Variants in IDO2 observed in about 807,000 individuals in gnomAD.
IDO2 encodes the protein indoleamine 2,3-dioxygenase 2.
IDO2 carries 46 observed loss-of-function variants against 45.1 expected under a neutral mutation model. That is an observed-to-expected ratio of 1.02 (90% confidence interval 0.80 to 1.30). The LOEUF (loss-of-function observed/expected upper bound fraction) is 1.30. IDO2 is among the 50% of genes most tolerant of loss of function. IDO2 has a pLI of 0.00. For missense variants in IDO2, 544 were observed against 491.8 expected, an observed-to-expected ratio of 1.11 and a Z score of -1.00; for synonymous variants, 218 against 184.9, an observed-to-expected ratio of 1.18 and a Z score of -1.45.
At chr8:39,979,924 C>T (rs1258721765) in intron 4 of IDO2, among the ~76,000 whole-genome samples, 1 of 152,158 alleles carries the variant, frequency 6.6e-6, no homozygotes, top group African/African-American at 2.4e-5. Flanking sequence ...CAGGCTCAAG[C>T]AACCCTCCCA....
chr8:39,992,301 T>C (rs1801950414), intron 8 of IDO2, among the ~76,000 whole-genome samples: 1 of 152,196 alleles, frequency 6.6e-6, no homozygotes, highest in South Asian at 2.1e-4. Context: ...TACCCTGAGA[T>C]CACTCTGCTG....
chr8:39,962,019 C>T (rs1170697709), intron 2 of IDO2, among the ~76,000 whole-genome samples: 2 of 152,198 alleles, frequency 1.3e-5, no homozygotes, highest in East Asian at 1.9e-4. Flanking sequence ...TACCAACTCT[C>T]CTGCTGTAAT....
rs532641396 is a variant in IDO2 at position 39,989,745 on chromosome 8, A to G, written c.574A>G (p.Ile192Val). ...GGCTCTTGTTCAGGCCACGAATGCTATCTTGCAGCCCAACCAGGAGGCCCT... is the reference window on the plus strand; with the variant it reads ...GGCTCTTGTTCAGGCCACGAATGCTGTCTTGCAGCCCAACCAGGAGGCCCT... The change falls in exon 8 of 11, where the codon ATC becomes GTC. Residue 192 changes from isoleucine to valine, a missense_variant. Coordinates refer to ENST00000502986, the Ensembl canonical transcript of IDO2. The G allele has an allele frequency of 1.9e-6, 3 of 1,598,670 alleles. No homozygotes were observed. The Admixed American group carries it at 5.2e-5, about 28-fold the overall frequency.
chr8:40,002,049 G>A (rs183809287), intron 8 of IDO2, among the ~76,000 whole-genome samples: 10 of 152,284 alleles, frequency 6.6e-5, no homozygotes, highest in East Asian at 3.9e-4. Flanking sequence ...GCCTCCCAAA[G>A]TGCTGGGATT....
chr8:40,013,023 C>T (rs1339777387), intron 9 of IDO2, among the ~76,000 whole-genome samples: 2 of 152,114 alleles, frequency 1.3e-5, no homozygotes, highest in Admixed American at 6.6e-5. Context: ...GGTAGTTTAA[C>T]GTGATGACTT....
intron 4 of IDO2, 127 bp downstream of exon 4, chr8:39,979,313 A>G (rs1416260855): frequency 3.5e-6 from 3 of 853,778 alleles, no homozygotes; most frequent in Non-Finnish European, 5.1e-6. Context: ...GATGGGCATC[A>G]GTTTAAGCAA....
exon 11 of IDO2, chr8:40,015,341 C>T: frequency 6.2e-7 from 1 of 1,613,830 alleles, no homozygotes; most frequent in Non-Finnish European, 8.5e-7. Flanking sequence ...GGGACTACAT[C>T]CTGTCATCTG....
chr8:39,947,171 C>CA (rs55785952), intron 1 of IDO2, among the ~76,000 whole-genome samples: 28,878 of 80,066 alleles, frequency 0.36, 4,851 homozygotes, highest in East Asian at 0.51. Flanking sequence ...GCTAAGGTAT[C>CA]AAAAAAAAAA....
intron 5 of IDO2, 144 bp downstream of exon 5, chr8:39,982,914 T>A (rs1360496621): frequency 5.3e-6 from 3 of 565,100 alleles, no homozygotes; most frequent in Non-Finnish European, 9.3e-6. Flanking sequence ...AATTCAAATA[T>A]CACAGGCCCC....
intron 8 of IDO2, chr8:39,997,907 G>A (rs1041778454): frequency 4.7e-6 from 1 of 214,810 alleles, no homozygotes; most frequent in Non-Finnish European, 9.9e-6. Flanking sequence ...TCTTGCTATG[G>A]TGGTACATAA....
chr8:39,968,904 A>AAAC (rs910414120), intron 3 of IDO2, among the ~76,000 whole-genome samples: 3 of 151,018 alleles, frequency 2.0e-5, no homozygotes, highest in African/African-American at 7.4e-5. Context: ...AAAAAAAAAC[A>AAAC]AACAACAACA....
At chr8:39,976,428 A>G (rs2129594274) in intron 3 of IDO2, among the ~76,000 whole-genome samples, 1 of 152,322 alleles carries the variant, frequency 6.6e-6, no homozygotes, top group Non-Finnish European at 1.5e-5. Flanking sequence ...GGTTGCAAAA[A>G]TTTTGGTCAA....
exon 1 of IDO2, chr8:39,934,939 C>G (rs901412978): frequency 3.3e-6 from 2 of 613,468 alleles, no homozygotes; most frequent in African/African-American, 1.9e-5. Context: ...TCCATACACA[C>G]TGGTTTGGAA....
chr8:39,939,546 CAAAAAAAAAAAAAA>C (rs55892879), intron 1 of IDO2, among the ~76,000 whole-genome samples: 1,683 of 71,352 alleles, frequency 0.024, 56 homozygotes, highest in African/African-American at 0.092. Context: ...GACTCTGTCT[CAAAAAAAAAAAAAA>C]AAAAAAAAAA....
intron 8 of IDO2, 143 bp from the exon 9 acceptor site, chr8:40,005,184 T>A (rs1184109389): frequency 2.1e-6 from 1 of 486,298 alleles, no homozygotes; most frequent in African/African-American, 1.9e-5. Context: ...GAACATTCTA[T>A]CCCCCGTTGC....
intron 10 of IDO2, among the ~76,000 whole-genome samples, chr8:40,014,740 A>G (rs1218862034): frequency 6.6e-6 from 1 of 152,178 alleles, no homozygotes; most frequent in Non-Finnish European, 1.5e-5. Flanking sequence ...CCTCTTCTCC[A>G]TCTCCTGTCA....
intron 8 of IDO2, 71 bp from the exon 9 acceptor site, chr8:40,005,256 A>C: frequency 8.5e-6 from 8 of 943,794 alleles, no homozygotes; most frequent in Non-Finnish European, 1.3e-5. Context: ...GGACAGCAGC[A>C]GGGCCCATGC....
At chr8:39,936,166 T>A (rs576271899) in intron 1 of IDO2, among the ~76,000 whole-genome samples, 1 of 152,228 alleles carries the variant, frequency 6.6e-6, no homozygotes, top group African/African-American at 2.4e-5. Context: ...TCCAGATTTA[T>A]TCTACCTAAA....
intron 1 of IDO2, among the ~76,000 whole-genome samples, chr8:39,939,576 A>AC (rs1807612833): frequency 7.1e-6 from 1 of 141,416 alleles, no homozygotes; most frequent in South Asian, 2.3e-4. Flanking sequence ...AAAAAAAGGA[A>AC]AGAAAGAAAG....
Sources: allele counts gnomAD v4.1 joint callset (sites outside exome capture counted in the v4.1 genomes callset), GRCh38; gene constraint gnomAD v4.1.1; transcripts MANE v1.5; gene names NCBI Gene and HGNC (gene_info 2026-07-23, HGNC 2026-07-21).